Variants in HGS observed in about 807,000 individuals in gnomAD.
HGS encodes the protein human growth factor-regulated tyrosine kinase substrate.
Under a neutral mutation model 109.7 loss-of-function variants are expected in HGS, and 63 were observed. The ratio of observed to expected loss-of-function variants is 0.57; its 90% confidence interval spans 0.47 to 0.71. The LOEUF (loss-of-function observed/expected upper bound fraction) is 0.71, where lower values mean the gene tolerates loss of function less well. Among genes scored for constraint, HGS ranks in the 30% least tolerant of loss-of-function variants. HGS has a pLI of 0.00. For missense variants in HGS, 995 were observed against 1,068.3 expected (o/e 0.93, Z 0.96); for synonymous variants, 546 against 437.3 (o/e 1.25, Z -3.10).
At chr17:81,700,852 G>C in intron 20 of HGS, 38 bp downstream of exon 20, 1 of 1,593,936 alleles carries the variant, frequency 6.3e-7, no homozygotes, top group Non-Finnish European at 8.6e-7. Context: ...GGCCAGGGTG[G>C]GGGAGCAGTT....
rs2037052539 is a variant in HGS, at chr17:81,690,815, C to T, written c.537+73C>T. 3.8e-6 allele frequency: 5 copies of T among 1,320,984 alleles called. No individual in the cohort carries two copies. In the Admixed American group the frequency reaches 5.7e-5, roughly 15 times the overall value. 81.8% of individuals were successfully genotyped at this position (1,320,984 alleles called of 1,614,324 possible). ...CCCCTGCCGTGCACAAGGCCACCGT[C>T]CCTGCTGGGCCTTTCCTTCCTGGTG... On this transcript the variant is annotated intron_variant, in intron 7 of 21. Transcript: ENST00000329138.
intron 21 of HGS, 73 bp downstream of exon 21, chr17:81,701,204 C>T: frequency 1.5e-6 from 2 of 1,341,502 alleles, no homozygotes; most frequent in South Asian, 2.4e-5. Context: ...CAATGGGACC[C>T]CTGGCCCCAG....
rs1049422921 is a variant in HGS, at chr17:81,696,276, C to G, written c.1394-81C>G. On this transcript the variant is annotated intron_variant, in intron 15 of 21. Transcript: ENST00000329138. ...CTGCAGAAGGTTGGGCACAGGGCGG[C>G]CCATCTGCGTGTCCGTTCCACCCAG... The G allele has an allele frequency of 2.1e-4, 298 of 1,434,020 alleles. 1 individual carries two copies. Among genetic ancestry groups the G allele is most frequent in the Non-Finnish European group, 2.6e-4 (285 of 1,086,906 alleles). The allele number at this position is 1,434,020 out of a possible 1,614,324, so 88.8% of individuals were successfully genotyped here.
intron 18 of HGS, 116 bp downstream of exon 18, chr17:81,697,114 A>G: frequency 3.6e-6 from 4 of 1,113,412 alleles, no homozygotes; most frequent in African/African-American, 1.6e-5. Context: ...CCCGATGTGA[A>G]TGTTGTCCCT....
chr17:81,691,376 TG>T lies in HGS; in HGVS notation c.538-69del. On this transcript the variant is annotated intron_variant, in intron 7 of 21. Transcript: ENST00000329138. The surrounding 1 kb of genome is among the most constrained non-coding windows in gnomAD (Gnocchi z 5.3). The stretch of plus-strand genomic sequence containing the variant: ...GGCCCAGCTTCGGCATCGTACGGGG[TG>T]GTTCTGGGCCGGGTGGCGCATCAGG... The T allele has an allele frequency of 6.3e-7, 1 of 1,596,670 alleles. No homozygotes were observed. The highest frequency in any genetic ancestry group is 8.5e-7 in the Non-Finnish European group (1 of 1,171,904).
chr17:81,696,254 C>T (rs1391932105), intron 15 of HGS, 103 bp from the exon 16 acceptor site: 12 of 1,373,888 alleles, frequency 8.7e-6, no homozygotes, highest in African/African-American at 4.4e-5. Context: ...GAGCCCTCTG[C>T]AGAAGGTTGG....
Position 81,695,943 on chromosome 17 carries a change from T to G in HGS, c.1337T>G (p.Ile446Ser). ...GCCGTGCTCTCACTCTTCCAGTCCA[T>G]CAACGGCATGCACCCGCAGCTGCTG... ...DSAVLSLFQS[I>S]NGMHPQLLEL... Residue 446 changes from isoleucine (I) to serine (S), a missense_variant, in exon 15 of 22, where the codon ATC (isoleucine) becomes AGC (serine). Ile to Ser is a moderately radical substitution (Grantham distance 142). This residue lies in a region of HGS where 163 missense variants were observed against 217.8 expected (regional missense o/e 0.75). Transcript: ENST00000329138. 6.3e-7 allele frequency: 1 copy of G among 1,587,900 alleles called. No individual in the cohort carries two copies. Among genetic ancestry groups the G allele is most frequent in the Non-Finnish European group, 8.6e-7 (1 of 1,163,358 alleles).
At chr17:81,688,561 C>A in intron 4 of HGS, 143 bp from the exon 5 acceptor site, 3 of 981,562 alleles carry the variant, frequency 3.1e-6, no homozygotes, top group Non-Finnish European at 4.5e-6. Flanking sequence ...GCATGGCCCC[C>A]ACGCCCCACT....
At position 81,694,957 on chromosome 17, in the gene HGS, A is replaced by G; in HGVS notation, c.1009A>G (p.Lys337Glu). The G allele has an allele frequency of 6.2e-7, 1 of 1,614,086 alleles. No individual in the cohort carries two copies. Among genetic ancestry groups the G allele is most frequent in the Non-Finnish European group, 8.5e-7 (1 of 1,180,012 alleles). The change falls in exon 13 of 22, where the codon AAG becomes GAG. Residue 337 changes from lysine (K) to glutamate (E), a missense_variant. Physicochemically the swap from Lys to Glu is moderately conservative, Grantham distance 56 (BLOSUM62 1). Coordinates refer to ENST00000329138, the MANE Select transcript of HGS (RefSeq NM_004712.5). Reference sequence around the variant, plus strand: ...GTATCTCAACCGGAACTACTGGGAGAAGAAGCAGGAGGAGGCTCGCAAGAG... The same window carrying G: ...GTATCTCAACCGGAACTACTGGGAGGAGAAGCAGGAGGAGGCTCGCAAGAG... Reference protein sequence around the residue: ...ARYLNRNYWEKKQEEARKSPT... With the variant: ...ARYLNRNYWEEKQEEARKSPT...
In HGS at chr17:81,700,718, G is replaced by T; in HGVS notation, c.2040G>T (p.Gln680His). 1 of 1,601,432 alleles carries T rather than the reference G, an allele frequency of 6.2e-7. No homozygotes were observed. Among genetic ancestry groups the T allele is most frequent in the Non-Finnish European group, 8.5e-7 (1 of 1,174,136 alleles). The change falls in exon 20 of 22, where the codon CAG (glutamine) becomes CAT (histidine). Residue 680 changes from glutamine (Q) to histidine (H), a missense_variant. Around this residue, in one of 6 missense-constraint regions of HGS, gnomAD observed 326 missense variants for 309.7 expected, o/e 1.05. Coordinates refer to ENST00000329138, the MANE Select transcript of HGS (RefSeq NM_004712.5). ...GYQNVASQAP[Q>H]SLPAISQPPQ... ...AGAACGTGGCCTCCCAGGCCCCACA[G>T]AGCCTCCCGGCCATCTCTCAGCCTC...
intron 1 of HGS, 127 bp from the exon 2 acceptor site, chr17:81,685,478 G>A: frequency 1.7e-6 from 1 of 603,226 alleles, no homozygotes. Flanking sequence ...ATTCTGTCAT[G>A]CTTTTTCATT....
chr17:81,695,790 A>G lies in HGS; in HGVS notation c.1184A>G (p.Gln395Arg). 1 of 1,613,308 alleles carries G rather than the reference A, an allele frequency of 6.2e-7. No individual in the cohort carries two copies. Among genetic ancestry groups the G allele is most frequent in the South Asian group, 1.1e-5 (1 of 91,088 alleles). Residue 395 changes from glutamine (Q) to arginine (R), a missense_variant, in exon 15 of 22, where the codon CAG becomes CGG. Around this residue, in one of 6 missense-constraint regions of HGS, gnomAD observed 300 missense variants for 235.4 expected, o/e 1.27. Coordinates refer to ENST00000329138, the MANE Select transcript of HGS (RefSeq NM_004712.5). ...AGAACCCTGCTCTGCCTGCAGCCAC[A>G]GTTCCACAATGGCGAGTCTGAGGAG... ...PPSGGPFSEP[Q>R]FHNGESEESH...
At position 81,684,022 on chromosome 17, in the gene HGS, T is replaced by C. The variant is rs1442737292; in HGVS notation, c.-45T>C. On this transcript the variant is annotated 5_prime_UTR_variant, in exon 1 of 22. Coordinates refer to ENST00000329138, the MANE Select transcript of HGS (RefSeq NM_004712.5). ...GGAAGTCGGGGGGCGCGCCAGCTCGTAGCAGGGGAGCGCCCGCGGCGTCGG... is the reference window on the plus strand; with the variant it reads ...GGAAGTCGGGGGGCGCGCCAGCTCGCAGCAGGGGAGCGCCCGCGGCGTCGG... 1.3e-6 allele frequency: 2 copies of C among 1,573,086 alleles called. No individual in the cohort carries two copies. Among genetic ancestry groups the C allele is most frequent in the East Asian group, 2.3e-5 (1 of 43,366 alleles).
intron 20 of HGS, 45 bp from the exon 21 acceptor site, chr17:81,701,000 T>C (rs1304011553): frequency 6.3e-7 from 1 of 1,578,078 alleles, no homozygotes; most frequent in East Asian, 2.2e-5. Context: ...CCCGCCTGCC[T>C]GGTCACAGGG....
At chr17:81,696,106 A>G (rs1340871242) in intron 15 of HGS, 107 bp downstream of exon 15, 4 of 1,052,378 alleles carry the variant, frequency 3.8e-6, no homozygotes, top group Non-Finnish European at 5.4e-6. Context: ...TGAGTCCTTC[A>G]TTGGGGCCGT....
At chr17:81,686,689 G>A (rs1211836082) in intron 3 of HGS, among the ~76,000 whole-genome samples, 4 of 152,268 alleles carry the variant, frequency 2.6e-5, no homozygotes, top group Admixed American at 2.0e-4. Context: ...GTCACGGAGC[G>A]GTGCTGTGCA....
In HGS at chr17:81,691,095, C is replaced by T. The variant is rs2037056659; in HGVS notation, c.538-352C>T. 6.7e-6 allele frequency: 3 copies of T among 444,908 alleles called. No individual in the cohort carries two copies. Among genetic ancestry groups the T allele is most frequent in the Admixed American group, 7.4e-5 (2 of 27,104 alleles). 27.6% of individuals were successfully genotyped at this position (444,908 alleles called of 1,614,324 possible). A position where few individuals can be genotyped will look rare whatever the true frequency, so the allele number is the denominator to read the frequency against. On this transcript the variant is annotated intron_variant, in intron 7 of 21. Transcript: ENST00000329138. This position sits in a 1 kb window ranked among gnomAD's most constrained non-coding sequence, Gnocchi z 5.3. ...CCCTCGAGGCATCTTCACATCAAAA[C>T]CCCCTCCAGGCTGGCAACCGGCAGT...
chr17:81,696,174 TGC>T, intron 15 of HGS, 175 bp downstream of exon 15: 1 of 797,726 alleles, frequency 1.3e-6, no homozygotes. Context: ...TGCCCTGCCC[TGC>T]CCTGCCCTGC....
chr17:81,696,568 G>T (rs1293105472), intron 16 of HGS, 39 bp downstream of exon 16: 2 of 1,556,614 alleles, frequency 1.3e-6, no homozygotes, highest in Non-Finnish European at 1.7e-6. Flanking sequence ...GGCCGGCTGG[G>T]GGACCTCGCA....
Sources: gnomAD v4.1 joint callset for allele counts (sites outside exome capture counted in the v4.1 genomes callset) on GRCh38, gnomAD v4.1.1 for gene constraint, gnomAD v4.1.1 regional missense constraint, Gnocchi (gnomAD v3.1) non-coding constraint, MANE v1.5 for transcripts, NCBI Gene and HGNC (gene_info 2026-07-23, HGNC 2026-07-21) for gene names.